SPAST: variants seen among roughly 807,000 people sequenced by gnomAD.
SPAST encodes the protein spastin, also known as spastic paraplegia 4 (autosomal dominant; spastin).
A neutral mutation model predicts 76.6 loss-of-function variants in SPAST; 30 were observed. The ratio of observed to expected loss-of-function variants is 0.39; its 90% CI spans 0.29 to 0.53. The LOEUF is 0.53. Ranked by LOEUF, SPAST falls within the 20% of genes least tolerant of loss-of-function variation. The pLI is 0.68. For missense variants in SPAST, 717 were observed against 770.5 expected (o/e 0.93, Z 0.82); for synonymous variants, 305 against 281.0 (o/e 1.09, Z -0.86).
intron 7 of SPAST, among the ~76,000 whole-genome samples, chr2:32,120,499 T>C (rs747015673): frequency 6.6e-6 from 1 of 152,092 alleles, no homozygotes; most frequent in Non-Finnish European, 1.5e-5. Context: ...TCTTATCGAT[T>C]GATAATTCTT....
At chr2:32,075,075 T>C (rs1372170515) in intron 1 of SPAST, among the ~76,000 whole-genome samples, 2 of 152,094 alleles carry the variant, frequency 1.3e-5, no homozygotes, top group African/African-American at 4.8e-5. Flanking sequence ...TGTTACACTT[T>C]TTAGGATGCA....
chr2:32,089,186 C>T (rs1303288510), intron 2 of SPAST, among the ~76,000 whole-genome samples: 1 of 138,612 alleles, frequency 7.2e-6, no homozygotes, highest in Non-Finnish European at 1.6e-5. Flanking sequence ...ACTCACCCTC[C>T]CATGCTCGGC....
chr2:32,154,237 T>A, intron 16 of SPAST, 137 bp from the exon 17 acceptor site: 2 of 713,798 alleles, frequency 2.8e-6, no homozygotes, highest in Non-Finnish European at 4.7e-6. Flanking sequence ...ATGGCTGACA[T>A]AATTTTCTAA....
At chr2:32,132,046 T>C (rs1035603062) in intron 9 of SPAST, among the ~76,000 whole-genome samples, 1 of 152,242 alleles carries the variant, frequency 6.6e-6, no homozygotes, top group Non-Finnish European at 1.5e-5. Flanking sequence ...ATTCATGATC[T>C]TAACCCCCAA....
intron 1 of SPAST, among the ~76,000 whole-genome samples, chr2:32,064,490 C>A (rs767640108): frequency 1.3e-5 from 2 of 152,230 alleles, no homozygotes; most frequent in Non-Finnish European, 2.9e-5. Context: ...CCCCACACTT[C>A]TGCATGACCC....
chr2:32,106,940 G>C (rs74494678), intron 4 of SPAST, among the ~76,000 whole-genome samples: 4,950 of 150,890 alleles, frequency 0.033, 144 homozygotes, highest in East Asian at 0.096. Flanking sequence ...AAATAGTTAA[G>C]TTTCTAAAAT....
intron 4 of SPAST, among the ~76,000 whole-genome samples, chr2:32,100,320 CTTTTT>C (rs77790719): frequency 1.6e-5 from 2 of 128,046 alleles, no homozygotes; most frequent in South Asian, 2.5e-4. Flanking sequence ...TTATTGGTTA[CTTTTT>C]TTTTTTTTTT....
intron 1 of SPAST, among the ~76,000 whole-genome samples, chr2:32,085,956 C>A (rs539358359): frequency 6.6e-6 from 1 of 150,736 alleles, no homozygotes; most frequent in African/African-American, 2.4e-5. Context: ...GCAGGAGAAT[C>A]GCTTGAACCA....
chr2:32,128,417 G>A lies in SPAST; in HGVS notation c.1183G>A (p.Val395Ile), dbSNP rs1679264171. 6.2e-7 allele frequency: 1 copy of A among 1,609,646 alleles called. No homozygotes were observed. Among genetic ancestry groups the A allele is most frequent in the African/African-American group, 1.3e-5 (1 of 74,850 alleles). ...GNGKTMLAKA[V>I]AAESNATFFN... ...CTTGTGATTTTTAAAGGCTAAAGCA[G>A]TAGCTGCAGAATCGAATGCAACCTT... Residue 395 changes from valine to isoleucine, a missense_variant, in exon 9 of 17, where the codon GTA becomes ATA. By Grantham distance (29) the Val-to-Ile change is conservative (BLOSUM62 3). Around this residue, in one of 3 missense-constraint regions of SPAST, gnomAD observed 78 missense variants for 197.6 expected, o/e 0.39. Transcript: ENST00000315285.
chr2:32,090,838 T>A (rs909600638), intron 3 of SPAST, among the ~76,000 whole-genome samples: 1 of 152,226 alleles, frequency 6.6e-6, no homozygotes, highest in Non-Finnish European at 1.5e-5. Flanking sequence ...CTTGATCACA[T>A]TGAAAGTTGA....
chr2:32,148,844 C>A (rs890009848), intron 16 of SPAST, among the ~76,000 whole-genome samples: 1 of 149,062 alleles, frequency 6.7e-6, no homozygotes, highest in Admixed American at 6.7e-5. Context: ...CATGGTGGCA[C>A]GTGCCTGTGG....
At chr2:32,082,282 C>T (rs1354737080) in intron 1 of SPAST, among the ~76,000 whole-genome samples, 2 of 151,574 alleles carry the variant, frequency 1.3e-5, no homozygotes, top group South Asian at 2.1e-4. Context: ...CATGAGCCAC[C>T]GCACCTGGCT....
intron 4 of SPAST, among the ~76,000 whole-genome samples, chr2:32,108,371 A>T (rs1384249728): frequency 6.6e-6 from 1 of 152,074 alleles, no homozygotes; most frequent in Admixed American, 6.6e-5. Context: ...TTTCACCCGT[A>T]GTTTGGTTTC....
chr2:32,117,078 G>A (rs895853810), intron 7 of SPAST, among the ~76,000 whole-genome samples: 1 of 151,936 alleles, frequency 6.6e-6, no homozygotes, highest in African/African-American at 2.4e-5. Context: ...GGCTAATATG[G>A]TGAAACCCTG....
At chr2:32,087,694 C>CTTTTTTTTTTTTTTTTTTTTTTTTTT (rs770566493) in intron 2 of SPAST, 116 bp downstream of exon 2, 4 of 176,306 alleles carry the variant, frequency 2.3e-5, no homozygotes, top group African/African-American at 3.3e-5. Context: ...CTTTTCTTTT[C>CTTTTTTTTTTTTTTTTTTTTTTTTTT]TTTTTTTTTT....
At chr2:32,081,946 T>C (rs1014246060) in intron 1 of SPAST, among the ~76,000 whole-genome samples, 6 of 151,356 alleles carry the variant, frequency 4.0e-5, no homozygotes, top group Non-Finnish European at 7.4e-5. Flanking sequence ...TTCATTGTTT[T>C]GGAAACTCAC....
At chr2:32,138,701 A>G (rs183131379) in intron 12 of SPAST, among the ~76,000 whole-genome samples, 1 of 152,168 alleles carries the variant, frequency 6.6e-6, no homozygotes, top group Admixed American at 6.6e-5. Flanking sequence ...TTTTGTTGCA[A>G]TTGTGTTTGG....
intron 9 of SPAST, among the ~76,000 whole-genome samples, chr2:32,134,231 G>A (rs752947840): frequency 4.1e-4 from 62 of 152,120 alleles, no homozygotes; most frequent in South Asian, 8.3e-4. Flanking sequence ...GGCCGAATGC[G>A]GTGGCTCACA....
In SPAST at chr2:32,126,673, A is replaced by G. The variant is rs184005981; in HGVS notation, c.1099-275A>G. Reference sequence around the variant, plus strand: ...TTTTTTTTTTTTAATTTTTTGTAGAAGCAGAGTTCCCCTATGTTGCCCAAG... The same window carrying G: ...TTTTTTTTTTTTAATTTTTTGTAGAGGCAGAGTTCCCCTATGTTGCCCAAG... On this transcript the variant is annotated intron_variant, in intron 7 of 16. Transcript: ENST00000315285. 211 of 257,626 alleles carry G rather than the reference A, an allele frequency of 8.2e-4. 2 individuals are homozygous for G. The highest frequency in any genetic ancestry group is 2.8e-3 in the Middle Eastern group (2 of 714). 16.0% of individuals were successfully genotyped at this position (257,626 alleles called of 1,614,324 possible). A position where few individuals can be genotyped will look rare whatever the true frequency, so the allele number is the denominator to read the frequency against.
Sources: allele counts gnomAD v4.1 joint callset (sites outside exome capture counted in the v4.1 genomes callset), GRCh38; gene constraint gnomAD v4.1.1; regional missense constraint gnomAD v4.1.1; transcripts MANE v1.5; gene names NCBI Gene and HGNC (gene_info 2026-07-23, HGNC 2026-07-21).